SFSWAP: variants seen among roughly 807,000 people sequenced by gnomAD.
SFSWAP encodes splicing factor SWAP, also known as splicing factor, suppressor of white-apricot homolog.
Under a neutral mutation model 100.7 loss-of-function variants are expected in SFSWAP, and 17 were observed. The observed-to-expected ratio is 0.17, with a 90% CI of 0.12 to 0.25. The LOEUF is 0.25. Ranked by LOEUF, SFSWAP falls within the 10% of genes least tolerant of loss-of-function variation. The pLI, the probability that SFSWAP is intolerant of heterozygous loss-of-function variation, is 1.00. For synonymous variants in SFSWAP, 504 were observed against 510.1 expected (o/e 0.99, Z 0.16); for missense variants, 1,005 against 1,262.6 (o/e 0.80, Z 3.09).
intron 7 of SFSWAP, among the ~76,000 whole-genome samples, chr12:131,740,037 C>T (rs533594660): frequency 1.4e-4 from 21 of 152,254 alleles, no homozygotes; most frequent in Admixed American, 6.5e-4. Context: ...GTGAACAGGA[C>T]GGCTTGTCTG....
intron 11 of SFSWAP, among the ~76,000 whole-genome samples, chr12:131,760,840 G>A (rs767421173): frequency 2.1e-4 from 32 of 152,128 alleles, no homozygotes; most frequent in Non-Finnish European, 3.5e-4. Context: ...TTGGGAGGCC[G>A]AGGGGGGCAG....
intron 14 of SFSWAP, chr12:131,783,625 T>A (rs1193973998): frequency 1.3e-5 from 2 of 149,864 alleles, no homozygotes; most frequent in African/African-American, 4.9e-5. Context: ...CTACTAAAAA[T>A]ACAAAAAATT....
chr12:131,716,203 A>G (rs185883737), intron 3 of SFSWAP, among the ~76,000 whole-genome samples: 8 of 152,314 alleles, frequency 5.3e-5, no homozygotes, highest in Admixed American at 5.2e-4. Context: ...CCTGCTCCTT[A>G]CTTTGTGGGC....
chr12:131,723,006 T>C (rs577297982), intron 4 of SFSWAP, among the ~76,000 whole-genome samples: 2 of 152,128 alleles, frequency 1.3e-5, no homozygotes, highest in Non-Finnish European at 2.9e-5. Context: ...TGCCAGATGT[T>C]AAAGTTTAGA....
At position 131,797,353 on chromosome 12, in the gene SFSWAP, C is replaced by CGCTCCAGGTAACCCCTGTCCTCCAGCA; in HGVS notation, c.2715_2717+24dup. ...GGAGAGTCGGGGCTCCAGCCAGGAG[C>CGCTCCAGGTAACCCCTGTCCTCCAGCA]GCTCCAGGTAACCCCTGTCCTCCAG... On this transcript the variant is annotated stop_gained and inframe_insertion, in exon 16 of 18. Coordinates refer to ENST00000261674, the MANE Select transcript of SFSWAP (RefSeq NM_004592.4). 1.2e-6 allele frequency: 2 copies of CGCTCCAGGTAACCCCTGTCCTCCAGCA among 1,606,684 alleles called. No individual in the cohort carries two copies. Among genetic ancestry groups the CGCTCCAGGTAACCCCTGTCCTCCAGCA allele is most frequent in the Non-Finnish European group, 1.7e-6 (2 of 1,176,512 alleles).
chr12:131,799,159 C>T (rs537516954), intron 17 of SFSWAP, 50 bp downstream of exon 17: 10 of 1,435,082 alleles, frequency 7.0e-6, no homozygotes, highest in South Asian at 2.3e-5. Context: ...CAAGGGGCCT[C>T]GTGGTTTCTC....
At chr12:131,768,705 C>T (rs1275304683) in intron 13 of SFSWAP, among the ~76,000 whole-genome samples, 1 of 152,192 alleles carries the variant, frequency 6.6e-6, no homozygotes, top group Non-Finnish European at 1.5e-5. Context: ...AAGGTGGGAA[C>T]CCCCAGCAGC....
intron 4 of SFSWAP, among the ~76,000 whole-genome samples, chr12:131,720,948 G>C (rs1878416960): frequency 6.6e-6 from 1 of 152,134 alleles, no homozygotes. Context: ...GGTTTAATTG[G>C]CTCACGATTC....
rs796660215 is a variant in SFSWAP at position 131,769,432 on chromosome 12, A to G, written c.2142+3124A>G. On this transcript the variant is annotated intron_variant, in intron 13 of 17. Coordinates refer to ENST00000261674, the MANE Select transcript of SFSWAP (RefSeq NM_004592.4). ...TCACAGGAATGCTTTAACCAGTTAC[A>G]TTACATGACTATACGTGTATGTCGT... 3.3e-5 allele frequency among the ~76,000 whole-genome samples: 5 copies of G among 152,314 alleles called. No individual in the cohort carries two copies. The South Asian group carries it at 6.2e-4, about 19-fold the overall frequency.
chr12:131,773,866 G>A (rs1379433670), intron 13 of SFSWAP, among the ~76,000 whole-genome samples: 2 of 152,240 alleles, frequency 1.3e-5, no homozygotes, highest in Non-Finnish European at 2.9e-5. Flanking sequence ...GGACAGCACA[G>A]CCAGGAGGAG....
chr12:131,795,355 C>T (rs149191633), intron 15 of SFSWAP, among the ~76,000 whole-genome samples: 296 of 152,340 alleles, frequency 1.9e-3, no homozygotes, highest in Non-Finnish European at 3.6e-3. Flanking sequence ...AGTCTGCTCA[C>T]GCCCAGAACC....
intron 15 of SFSWAP, among the ~76,000 whole-genome samples, chr12:131,789,022 G>T (rs1885079243): frequency 6.7e-6 from 1 of 150,030 alleles, no homozygotes; most frequent in African/African-American, 2.5e-5. Context: ...CTCCCATTGC[G>T]CTGGCTGGAG....
chr12:131,720,304 G>T (rs570500706), intron 4 of SFSWAP, among the ~76,000 whole-genome samples: 1 of 152,134 alleles, frequency 6.6e-6, no homozygotes, highest in South Asian at 2.1e-4. Context: ...TATCCCTCTT[G>T]TGCCAGTGAA....
At chr12:131,791,658 A>G (rs970674072) in intron 15 of SFSWAP, among the ~76,000 whole-genome samples, 13 of 152,214 alleles carry the variant, frequency 8.5e-5, no homozygotes, top group African/African-American at 3.1e-4. Context: ...AGGCTGAGGC[A>G]GGAGAATAAC....
rs113574076 is a variant in SFSWAP, at chr12:131,751,604, C to G, written c.1082-1519C>G. Reference sequence around the variant, plus strand: ...GAGTGGGTGGAAGCAGCAGCTCCCCCCTTCCAGGGATGACGTTGTCTCTTA... The same window carrying G: ...GAGTGGGTGGAAGCAGCAGCTCCCCGCTTCCAGGGATGACGTTGTCTCTTA... On this transcript the variant is annotated intron_variant, in intron 7 of 17. Coordinates refer to ENST00000261674, the MANE Select transcript of SFSWAP (RefSeq NM_004592.4). Among the ~76,000 whole-genome samples, 9 of 152,278 alleles carry G rather than the reference C, an allele frequency of 5.9e-5. No homozygotes were observed. In the South Asian group the frequency reaches 8.3e-4, roughly 14 times the overall value.
At position 131,714,332 on chromosome 12, in the gene SFSWAP, T is replaced by G; in HGVS notation, c.388+92T>G. ...CTCCCATTCATTTTTTTATACTCAC[T>G]CTTTCTGATATTATCTTGACAGTAC... On this transcript the variant is annotated intron_variant, in intron 2 of 17. Transcript: ENST00000261674. This position sits in a 1 kb window ranked among gnomAD's most constrained non-coding sequence, Gnocchi z 6.0. 9.5e-7 allele frequency: 1 copy of G among 1,057,782 alleles called. No homozygotes were observed. The highest frequency in any genetic ancestry group is 1.6e-5 in the African/African-American group (1 of 62,892). 65.5% of individuals were successfully genotyped at this position (1,057,782 alleles called of 1,614,324 possible).
Position 131,714,315 on chromosome 12 carries a change from C to T in SFSWAP, c.388+75C>T. The T allele has an allele frequency of 8.0e-7, 1 of 1,256,226 alleles. No individual in the cohort carries two copies. The highest frequency in any genetic ancestry group is 1.1e-6 in the Non-Finnish European group (1 of 899,482). 77.8% of individuals were successfully genotyped at this position (1,256,226 alleles called of 1,614,324 possible). A position where few individuals can be genotyped will look rare whatever the true frequency, so the allele number is the denominator to read the frequency against. Reference sequence around the variant, plus strand: ...AAGTATTTAAAAATTTACTCCCATTCATTTTTTTATACTCACTCTTTCTGA... The same window carrying T: ...AAGTATTTAAAAATTTACTCCCATTTATTTTTTTATACTCACTCTTTCTGA... On this transcript the variant is annotated intron_variant, in intron 2 of 17. Transcript: ENST00000261674. This position sits in a 1 kb window ranked among gnomAD's most constrained non-coding sequence, Gnocchi z 6.0.
chr12:131,715,095 T>C (rs537005490), intron 3 of SFSWAP, 142 bp downstream of exon 3: 1 of 737,382 alleles, frequency 1.4e-6, no homozygotes, highest in Non-Finnish European at 2.1e-6. Flanking sequence ...GGGAGTGATA[T>C]TCCTTCTTTT....
intron 7 of SFSWAP, among the ~76,000 whole-genome samples, chr12:131,749,870 A>G (rs776830777): frequency 6.6e-6 from 1 of 152,246 alleles, no homozygotes; most frequent in Non-Finnish European, 1.5e-5. Flanking sequence ...CGTTGTTTAC[A>G]GGGTCCCCAC....
Sources: gnomAD v4.1 joint callset for allele counts (sites outside exome capture counted in the v4.1 genomes callset) on GRCh38, gnomAD v4.1.1 for gene constraint, Gnocchi (gnomAD v3.1) non-coding constraint, MANE v1.5 for transcripts, NCBI Gene and HGNC (gene_info 2026-07-23, HGNC 2026-07-21) for gene names.